TCF4: variants seen among roughly 807,000 people sequenced by gnomAD.
The protein encoded by TCF4 is transcription factor 4, also known as SL3-3 enhancer factor 2.
In TCF4, 3 loss-of-function variants were observed where a neutral mutation model predicts 82.1. That is an observed-to-expected ratio of 0.04 (90% CI 0.02 to 0.09). The LOEUF (loss-of-function observed/expected upper bound fraction) is 0.09, where lower values mean the gene tolerates loss of function less well. Among genes scored for constraint, TCF4 ranks in the 10% least tolerant of loss-of-function variants. The probability of loss-of-function intolerance (pLI) is 1.00; values close to 1 mark genes in which losing one functional copy is unlikely to be tolerated. For synonymous variants in TCF4, 276 were observed against 309.6 expected (o/e 0.89, Z 1.14); for missense variants, 518 against 852.7 (o/e 0.61, Z 4.89).
At chr18:55,291,522 C>T (rs567654531) in intron 8 of TCF4, among the ~76,000 whole-genome samples, 11 of 152,172 alleles carry the variant, frequency 7.2e-5, no homozygotes, top group African/African-American at 2.2e-4. Context: ...AAAAAAAGTA[C>T]GAATTATCTT....
intron 3 of TCF4, among the ~76,000 whole-genome samples, chr18:55,494,428 AT>A (rs1331566811): frequency 2.0e-5 from 3 of 152,110 alleles, no homozygotes; most frequent in Non-Finnish European, 4.4e-5. Flanking sequence ...TAGTATTATG[AT>A]TTAAGTCTAC....
chr18:55,525,702 A>G (rs2096975711), intron 3 of TCF4, among the ~76,000 whole-genome samples: 1 of 152,182 alleles, frequency 6.6e-6, no homozygotes, highest in Admixed American at 6.6e-5. Flanking sequence ...AGTGAACCCA[A>G]TTTCCACACC....
chr18:55,616,673 A>G (rs915872527), intron 2 of TCF4, among the ~76,000 whole-genome samples: 1 of 151,926 alleles, frequency 6.6e-6, no homozygotes, highest in Non-Finnish European at 1.5e-5. Flanking sequence ...GTGAGGTGAT[A>G]TCTCATTTGC....
Position 55,225,799 on chromosome 18 carries a change from A to AT in TCF4, c.*2235dup, listed in dbSNP as rs1421949490. 6.6e-6 allele frequency: 1 copy of AT among 152,554 alleles called. No homozygotes were observed. The highest frequency in any genetic ancestry group is 1.5e-5 in the Non-Finnish European group (1 of 67,982). 9.5% of individuals were successfully genotyped at this position (152,554 alleles called of 1,614,324 possible). A position where few individuals can be genotyped will look rare whatever the true frequency, so the allele number is the denominator to read the frequency against. ...TCCTAAGGTTTTAATCCACCTCCAC[A>AT]TTTTAGGAACTTATCAACAAATCAA... On this transcript the variant is annotated 3_prime_UTR_variant, in exon 20 of 20. Coordinates refer to ENST00000354452, the MANE Select transcript of TCF4 (RefSeq NM_001083962.2).
At chr18:55,369,913 TTGTG>T (rs3838896) in intron 6 of TCF4, among the ~76,000 whole-genome samples, 2 of 150,796 alleles carry the variant, frequency 1.3e-5, no homozygotes, top group Non-Finnish European at 3.0e-5. Flanking sequence ...AGAGTTTTAT[TTGTG>T]TGTGTGTGTG....
At position 55,627,920 on chromosome 18, in the gene TCF4, C is replaced by T. The variant is rs552375900; in HGVS notation, c.286+3378G>A. On this transcript the variant is annotated intron_variant, in intron 2 of 20. Coordinates refer to the TCF4 transcript ENST00000398339. ...CTAAAAATACAAAAAATTAGCAGGG[C>T]GTGGTGGCAGGCGCCTGTAGTCCCA... Among the ~76,000 whole-genome samples the T allele has an allele frequency of 3.4e-5, 5 of 148,738 alleles. No individual in the cohort carries two copies. The East Asian group carries it at 1.0e-3, about 30-fold the overall frequency.
chr18:55,374,721 G>A (rs552414507), intron 6 of TCF4, among the ~76,000 whole-genome samples: 12 of 151,820 alleles, frequency 7.9e-5, no homozygotes, highest in African/African-American at 2.7e-4. Flanking sequence ...GCAACATGGC[G>A]AAACTCCGCC....
At chr18:55,632,108 G>C (rs1004853822) in intron 1 of TCF4, among the ~76,000 whole-genome samples, 1 of 152,024 alleles carries the variant, frequency 6.6e-6, no homozygotes, top group African/African-American at 2.4e-5. Context: ...GCACGATCTC[G>C]GCTTGCTGCA....
chr18:55,309,697 A>T (rs2071654485), intron 8 of TCF4, among the ~76,000 whole-genome samples: 1 of 152,230 alleles, frequency 6.6e-6, no homozygotes, highest in African/African-American at 2.4e-5. Flanking sequence ...GATTGGTTTT[A>T]TACTCCATAA....
chr18:55,540,810 T>G lies in TCF4; in HGVS notation c.145+44470A>C, dbSNP rs189680888. Among the ~76,000 whole-genome samples the G allele has an allele frequency of 5.3e-5, 8 of 152,198 alleles. No homozygotes were observed. The East Asian group carries it at 1.5e-3, about 29-fold the overall frequency. ...TTTTTTGATATTTCAGGATTTCGTCTTTATCCACAGGCCTTCATTCAGTCT... is the reference window on the plus strand; with the variant it reads ...TTTTTTGATATTTCAGGATTTCGTCGTTATCCACAGGCCTTCATTCAGTCT... On this transcript the variant is annotated intron_variant, in intron 3 of 19. Coordinates refer to ENST00000354452, the MANE Select transcript of TCF4 (RefSeq NM_001083962.2).
intron 12 of TCF4, chr18:55,261,252 C>T: frequency 1.6e-6 from 1 of 626,434 alleles, no homozygotes; most frequent in Non-Finnish European, 2.8e-6. Context: ...TTGAGTGCAG[C>T]TTAGTACCAT....
chr18:55,535,157 G>A (rs1038163806), intron 3 of TCF4, among the ~76,000 whole-genome samples: 1 of 152,198 alleles, frequency 6.6e-6, no homozygotes, highest in Non-Finnish European at 1.5e-5. Flanking sequence ...GAGACACTGT[G>A]TTCCAGTAGT....
intron 6 of TCF4, among the ~76,000 whole-genome samples, chr18:55,370,745 TA>T (rs1375982967): frequency 6.6e-6 from 1 of 152,066 alleles, no homozygotes; most frequent in East Asian, 1.9e-4. Context: ...TAGATAGGAA[TA>T]AAATCAATTT....
intron 15 of TCF4, among the ~76,000 whole-genome samples, chr18:55,247,416 A>G (rs1207387013): frequency 1.3e-5 from 2 of 152,208 alleles, no homozygotes; most frequent in Non-Finnish European, 2.9e-5. Context: ...ACACAACAAA[A>G]AGTACACAAT....
chr18:55,524,816 T>C (rs1313416184), intron 3 of TCF4, among the ~76,000 whole-genome samples: 2 of 152,108 alleles, frequency 1.3e-5, no homozygotes, highest in Non-Finnish European at 2.9e-5. Flanking sequence ...GCCTAGTCTC[T>C]AGAAGTTTAA....
chr18:55,555,372 T>C (rs1335708248), intron 3 of TCF4, among the ~76,000 whole-genome samples: 1 of 152,224 alleles, frequency 6.6e-6, no homozygotes, highest in African/African-American at 2.4e-5. Context: ...AGTTTTCAAA[T>C]TAATTTGGTC....
intron 3 of TCF4, among the ~76,000 whole-genome samples, chr18:55,553,907 T>C (rs1393003175): frequency 6.6e-6 from 1 of 152,104 alleles, no homozygotes; most frequent in African/African-American, 2.4e-5. Flanking sequence ...TAAAAGATGA[T>C]AGTCTAAAGG....
intron 2 of TCF4, among the ~76,000 whole-genome samples, chr18:55,621,691 TATA>T (rs2097720130): frequency 1.3e-5 from 1 of 74,782 alleles, no homozygotes; most frequent in Non-Finnish European, 2.3e-5. Context: ...TATATTATAT[TATA>T]TAATATATAT....
chr18:55,469,190 G>A (rs997722626), intron 3 of TCF4, among the ~76,000 whole-genome samples: 1 of 152,190 alleles, frequency 6.6e-6, no homozygotes, highest in Middle Eastern at 3.2e-3. Flanking sequence ...TTGGTCGGGT[G>A]CAATGGCTCA....
Sources: gnomAD v4.1 joint callset for allele counts (sites outside exome capture counted in the v4.1 genomes callset) on GRCh38, gnomAD v4.1.1 for gene constraint, MANE v1.5 for transcripts, NCBI Gene and HGNC (gene_info 2026-07-23, HGNC 2026-07-21) for gene names.